MIER1: variants seen among roughly 807,000 people sequenced by gnomAD.
MIER1 encodes mesoderm induction early response protein 1.
A neutral mutation model predicts 75.7 loss-of-function variants in MIER1; 40 were observed. That is an observed-to-expected ratio of 0.53 (90% CI 0.41 to 0.69). The LOEUF (loss-of-function observed/expected upper bound fraction) is 0.69. MIER1 is among the 30% of genes least tolerant of loss of function. The pLI is 0.00. For missense variants in MIER1, 574 were observed against 680.2 expected (o/e 0.84, Z 1.74); for synonymous variants, 213 against 223.4 (o/e 0.95, Z 0.42).
At chr1:66,970,049 C>T (rs913243011) in intron 8 of MIER1, among the ~76,000 whole-genome samples, 1 of 152,186 alleles carries the variant, frequency 6.6e-6, no homozygotes, top group African/African-American at 2.4e-5. Context: ...GGTATTTCTT[C>T]TGTTTGTGAC....
chr1:66,927,612 T>C lies in MIER1; in HGVS notation c.168+1370T>C, dbSNP rs192827894. 1.3e-3 allele frequency among the ~76,000 whole-genome samples: 192 copies of C among 152,258 alleles called. 1 individual carries two copies. Among genetic ancestry groups the C allele is most frequent in the African/African-American group, 4.5e-3 (189 of 41,574 alleles). On this transcript the variant is annotated intron_variant, in intron 2 of 13. Coordinates refer to ENST00000401041, the MANE Select transcript of MIER1 (RefSeq NM_001077700.3). ...TGCATTTGGATACAAAGAAGATATC[T>C]GTTGAATTAATCCAAAGTGCTGAAG...
chr1:66,955,056 C>A (rs756512656), intron 4 of MIER1, among the ~76,000 whole-genome samples: 9 of 152,020 alleles, frequency 5.9e-5, no homozygotes, highest in African/African-American at 1.2e-4. Context: ...ATCTGTATAT[C>A]CAGGAGGGAA....
intron 2 of MIER1, among the ~76,000 whole-genome samples, chr1:66,934,552 G>C (rs937766458): frequency 6.7e-6 from 1 of 148,506 alleles, no homozygotes; most frequent in Non-Finnish European, 1.5e-5. Flanking sequence ...GGGACTATAG[G>C]CATGTGCCAT....
At chr1:66,979,967 T>A (rs1665560484) in intron 12 of MIER1, among the ~76,000 whole-genome samples, 1 of 151,724 alleles carries the variant, frequency 6.6e-6, no homozygotes, top group South Asian at 2.1e-4. Context: ...TTTCTCCATG[T>A]TGGTCAGGCT....
chr1:66,984,497 A>G, intron 13 of MIER1, 75 bp from the exon 14 acceptor site: 2 of 1,048,756 alleles, frequency 1.9e-6, no homozygotes, highest in South Asian at 1.6e-5. Context: ...AACAATAACT[A>G]CAAGCTGTTT....
intron 8 of MIER1, among the ~76,000 whole-genome samples, chr1:66,963,855 C>T (rs1288661081): frequency 6.6e-6 from 1 of 151,812 alleles, no homozygotes; most frequent in African/African-American, 2.4e-5. Context: ...TTGCAGTGAG[C>T]CAGTATCGCA....
intron 8 of MIER1, among the ~76,000 whole-genome samples, chr1:66,963,639 G>C (rs1191981413): frequency 6.6e-6 from 1 of 152,150 alleles, no homozygotes; most frequent in South Asian, 2.1e-4. Flanking sequence ...ACCAGGTGCC[G>C]TGGCTCACGC....
intron 12 of MIER1, 93 bp downstream of exon 12, chr1:66,976,815 T>G: frequency 2.7e-6 from 3 of 1,105,838 alleles, no homozygotes; most frequent in South Asian, 2.0e-5. Flanking sequence ...ATAATCTTGC[T>G]TTTATATACT....
intron 3 of MIER1, among the ~76,000 whole-genome samples, chr1:66,942,547 T>C (rs1656491977): frequency 6.6e-6 from 1 of 152,174 alleles, no homozygotes; most frequent in South Asian, 2.1e-4. Context: ...AAATACTTAA[T>C]TTATACAAAG....
intron 8 of MIER1, among the ~76,000 whole-genome samples, chr1:66,965,842 C>A (rs996661614): frequency 6.6e-6 from 1 of 152,136 alleles, no homozygotes; most frequent in Non-Finnish European, 1.5e-5. Context: ...TAGTAGCCAT[C>A]CTTCTGCTGT....
chr1:66,963,128 T>A lies in MIER1; in HGVS notation c.740T>A (p.Val247Asp). 1 of 1,612,338 alleles carries A rather than the reference T, an allele frequency of 6.2e-7. No homozygotes were observed. Among genetic ancestry groups the A allele is most frequent in the Non-Finnish European group, 8.5e-7 (1 of 1,178,622 alleles). ...VGSMFQAEIP[V>D]GICRYKENEK... Reference sequence around the variant, plus strand: ...TCCATGTTTCAAGCAGAAATTCCAGTTGGCATTTGTAGATACAAAGAAAAT... The same window carrying A: ...TCCATGTTTCAAGCAGAAATTCCAGATGGCATTTGTAGATACAAAGAAAAT... Residue 247 changes from valine (V) to aspartate (D), a missense_variant, in exon 8 of 14, where the codon GTT becomes GAT. By Grantham distance (152) the Val-to-Asp change is radical (BLOSUM62 -3). Coordinates refer to ENST00000401041, the MANE Select transcript of MIER1 (RefSeq NM_001077700.3).
intron 1 of MIER1, 153 bp downstream of exon 1, chr1:66,925,248 A>G (rs1651244032): frequency 4.1e-6 from 4 of 983,530 alleles, no homozygotes; most frequent in South Asian, 4.7e-5. Context: ...GGGCTGCCGC[A>G]GAACGCGCCT....
chr1:66,931,934 G>A (rs1236186466), intron 2 of MIER1, among the ~76,000 whole-genome samples: 2 of 152,122 alleles, frequency 1.3e-5, no homozygotes, highest in Non-Finnish European at 2.9e-5. Context: ...TTCTTTCATG[G>A]TGTTGCTCAG....
intron 13 of MIER1, among the ~76,000 whole-genome samples, chr1:66,983,132 T>G (rs1406879442): frequency 6.6e-6 from 1 of 152,200 alleles, no homozygotes; most frequent in Non-Finnish European, 1.5e-5. Flanking sequence ...CCACTCAACA[T>G]TACGTACAGT....
chr1:66,930,297 A>C (rs1303054149), intron 2 of MIER1: 8 of 1,560,608 alleles, frequency 5.1e-6, no homozygotes, highest in Admixed American at 1.8e-5. Context: ...CAGAGACGGC[A>C]GCGGCCGGAG....
chr1:66,925,332 C>T, intron 1 of MIER1: 1 of 985,454 alleles, frequency 1.0e-6, no homozygotes, highest in Non-Finnish European at 1.2e-6. Flanking sequence ...CTCCCAGCGC[C>T]GCCTTTTTGC....
At chr1:66,971,271 C>T (rs555894633) in intron 9 of MIER1, among the ~76,000 whole-genome samples, 4 of 152,178 alleles carry the variant, frequency 2.6e-5, no homozygotes, top group African/African-American at 9.6e-5. Flanking sequence ...ATCTTATGTA[C>T]ATGGTAAGAC....
intron 1 of MIER1, 53 bp from the exon 2 acceptor site, chr1:66,926,089 T>A: frequency 1.5e-6 from 2 of 1,376,806 alleles, no homozygotes; most frequent in Non-Finnish European, 2.1e-6. Context: ...ATGGTGAGCT[T>A]GTATCATCGT....
In MIER1 at chr1:66,959,675, C is replaced by T. The variant is rs1450234721; in HGVS notation, c.635-4C>T. 3.8e-6 allele frequency: 5 copies of T among 1,329,210 alleles called. No individual in the cohort carries two copies. Among genetic ancestry groups the T allele is most frequent in the Non-Finnish European group, 5.1e-6 (5 of 975,726 alleles). 82.3% of individuals were successfully genotyped at this position (1,329,210 alleles called of 1,614,324 possible). A position where few individuals can be genotyped will look rare whatever the true frequency, so the allele number is the denominator to read the frequency against. On this transcript the variant is annotated splice_region_variant and splice_polypyrimidine_tract_variant and intron_variant, in intron 6 of 13. Coordinates refer to ENST00000401041, the MANE Select transcript of MIER1 (RefSeq NM_001077700.3). ...TTATAGTATTGGTGTCTTATTTATT[C>T]TAGATAGTGAAGTAGAAGAAGAATC... is the stretch of plus-strand genomic sequence containing the variant.
Sources: allele counts gnomAD v4.1 joint callset (sites outside exome capture counted in the v4.1 genomes callset), GRCh38; gene constraint gnomAD v4.1.1; transcripts MANE v1.5; gene names NCBI Gene and HGNC (gene_info 2026-07-23, HGNC 2026-07-21).